Variants in WDR33 observed in about 807,000 individuals in gnomAD.
WDR33 encodes the protein pre-mRNA 3' end processing protein WDR33.
Under a neutral mutation model 164.9 loss-of-function variants are expected in WDR33, and 47 were observed. The ratio of observed to expected loss-of-function variants is 0.29; its 90% CI spans 0.23 to 0.36. WDR33 has a LOEUF of 0.36. Ranked by LOEUF, WDR33 falls within the 10% of genes least tolerant of loss-of-function variation. The pLI is 1.00. For missense variants in WDR33, 1,137 were observed against 1,754.1 expected, an observed-to-expected ratio of 0.65 and a Z score of 6.28; for synonymous variants, 505 against 589.0, an observed-to-expected ratio of 0.86 and a Z score of 2.06.
Position 127,719,567 on chromosome 2 carries a change from G to A in WDR33, c.2458C>T (p.Leu820=). The A allele has an allele frequency of 1.2e-6, 2 of 1,614,008 alleles. No individual in the cohort carries two copies. The highest frequency in any genetic ancestry group is 1.7e-6 in the Non-Finnish European group (2 of 1,179,990). ...MRGPHPPGGL[L]GHGPQEMRGP... ...CTCATTTCCTGAGGGCCGTGTCCCA[G>A]TAGTCCACCTGGAGGGTGAGGTCCT... is the stretch of plus-strand genomic sequence containing the variant. Residue 820 remains leucine (L), a synonymous_variant, in exon 16 of 22, where the codon CTG becomes TTG. Coordinates refer to ENST00000322313, the MANE Select transcript of WDR33 (RefSeq NM_018383.5). This position sits in a 1 kb window ranked among gnomAD's most constrained non-coding sequence, Gnocchi z 6.5.
intron 1 of WDR33, among the ~76,000 whole-genome samples, chr2:127,807,162 G>A (rs977166191): frequency 2.6e-5 from 4 of 152,054 alleles, no homozygotes; most frequent in Admixed American, 1.3e-4. Flanking sequence ...GTGCCACCAC[G>A]CCCAGCTAAT....
intron 7 of WDR33, among the ~76,000 whole-genome samples, chr2:127,756,128 G>A (rs1368517734): frequency 6.6e-6 from 1 of 152,068 alleles, no homozygotes; most frequent in Non-Finnish European, 1.5e-5. Context: ...GAGGTCAGGA[G>A]TTCGAGACCA....
At position 127,711,766 on chromosome 2, in the gene WDR33, A is replaced by T. The variant is rs866227232; in HGVS notation, c.3308+1817T>A. Among the ~76,000 whole-genome samples the T allele has an allele frequency of 6.4e-3, 464 of 72,568 alleles. 18 individuals carry two copies. The highest frequency in any genetic ancestry group is 0.054 in the African/African-American group (423 of 7,834). 47.6% of individuals were successfully genotyped at this position (72,568 alleles called of 152,430 possible). A position where few individuals can be genotyped will look rare whatever the true frequency, so the allele number is the denominator to read the frequency against. ...CACATATACAGATATATATATATATATATATATATATATATTTTTTTTTTG... is the reference window on the plus strand; with the variant it reads ...CACATATACAGATATATATATATATTTATATATATATATATTTTTTTTTTG... On this transcript the variant is annotated intron_variant, in intron 18 of 21. Transcript: ENST00000322313.
chr2:127,764,637 A>G lies in WDR33; in HGVS notation c.626+191T>C. 1 of 1,557,576 alleles carries G rather than the reference A, an allele frequency of 6.4e-7. No individual in the cohort carries two copies. Among genetic ancestry groups the G allele is most frequent in the Non-Finnish European group, 8.7e-7 (1 of 1,149,798 alleles). ...ACATATTGCAAAGGCTGATACCGGG[A>G]CAACACTACTTCAGAAAGGTGCCAG... On this transcript the variant is annotated intron_variant, in intron 6 of 21. Coordinates refer to ENST00000322313, the MANE Select transcript of WDR33 (RefSeq NM_018383.5). The surrounding 1 kb of genome is among the most constrained non-coding windows in gnomAD (Gnocchi z 6.2).
At chr2:127,793,302 G>A (rs1175418825) in intron 1 of WDR33, among the ~76,000 whole-genome samples, 1 of 152,006 alleles carries the variant, frequency 6.6e-6, no homozygotes, top group East Asian at 1.9e-4. Context: ...ATGATGGCGG[G>A]TGCCTGTAAT....
In WDR33 at chr2:127,770,754, C is replaced by G; in HGVS notation, c.204+24G>C. 1.3e-6 allele frequency: 2 copies of G among 1,515,148 alleles called. No individual in the cohort carries two copies. The highest frequency in any genetic ancestry group is 1.8e-6 in the Non-Finnish European group (2 of 1,116,730). 93.9% of individuals were successfully genotyped at this position (1,515,148 alleles called of 1,614,324 possible). On this transcript the variant is annotated intron_variant, in intron 2 of 21. Transcript: ENST00000322313. This position sits in a 1 kb window ranked among gnomAD's most constrained non-coding sequence, Gnocchi z 4.9. ...AAATAAATAACCAAAGTTTGGTCAT[C>G]TGAAGCACATAAATCAGGCTTACCT... is the stretch of plus-strand genomic sequence containing the variant.
chr2:127,784,592 G>A (rs1688496729), intron 1 of WDR33, among the ~76,000 whole-genome samples: 1 of 152,154 alleles, frequency 6.6e-6, no homozygotes, highest in Non-Finnish European at 1.5e-5. Context: ...TGTTGCCCCA[G>A]CTGGTCTTGA....
chr2:127,719,772 C>A lies in WDR33; in HGVS notation c.2253G>T (p.Gly751=). Residue 751 remains glycine (G), a synonymous_variant, in exon 16 of 22, where the codon GGG becomes GGT. Transcript: ENST00000322313. The surrounding 1 kb of genome is among the most constrained non-coding windows in gnomAD (Gnocchi z 6.5). ...QGPPGPRGMQ[G]PPHPHGIQGG... is the part of the protein sequence containing the mutation. ...CTTGGATCCCATGAGGATGAGGAGGCCCTTGCATTCCTCTGGGACCAGGTG... is the reference window on the plus strand; with the variant it reads ...CTTGGATCCCATGAGGATGAGGAGGACCTTGCATTCCTCTGGGACCAGGTG... 6.2e-7 allele frequency: 1 copy of A among 1,613,832 alleles called. No homozygotes were observed. The highest frequency in any genetic ancestry group is 1.7e-5 in the Admixed American group (1 of 60,028).
At position 127,719,361 on chromosome 2, in the gene WDR33, G is replaced by A. The variant is rs1349230078; in HGVS notation, c.2664C>T (p.Asn888=). ...QGPPGPQGQQ[N]PARGPHPSQG... is the part of the protein sequence containing the mutation. ...GAGATGGATGTGGCCCTCTTGCTGG[G>A]TTCTGCTGTCCCTGAGGTCCGGGGG... Residue 888 remains asparagine, a synonymous_variant, in exon 16 of 22, where the codon AAC becomes AAT. Coordinates refer to ENST00000322313, the MANE Select transcript of WDR33 (RefSeq NM_018383.5). This position sits in a 1 kb window ranked among gnomAD's most constrained non-coding sequence, Gnocchi z 6.5. 6.6e-7 allele frequency: 1 copy of A among 1,514,128 alleles called. No homozygotes were observed. Among genetic ancestry groups the A allele is most frequent in the East Asian group, 2.3e-5 (1 of 43,836 alleles). The allele number at this position is 1,514,128 out of a possible 1,614,324, so 93.8% of individuals were successfully genotyped here.
Position 127,746,100 on chromosome 2 carries a change from C to T in WDR33, c.724+16962G>A, listed in dbSNP as rs140503202. On this transcript the variant is annotated intron_variant, in intron 7 of 21. Transcript: ENST00000322313. ...GGCAATGAAGAGAACAACTCTAATGCAGGGTGTGAAGGATTGCCTTCTGGC... is the reference window on the plus strand; with the variant it reads ...GGCAATGAAGAGAACAACTCTAATGTAGGGTGTGAAGGATTGCCTTCTGGC... 2.7e-5 allele frequency among the ~76,000 whole-genome samples: 4 copies of T among 148,318 alleles called. No individual in the cohort carries two copies. In the East Asian group the frequency reaches 8.0e-4, roughly 29 times the overall value.
rs1686309975 is a variant in WDR33, at chr2:127,716,662, T to C, written c.2869+493A>G. ...ATCATTCTCATCTCTTTCCTTTTCA[T>C]ATCAACAACCTGAGGAGCCACATAT... On this transcript the variant is annotated intron_variant, in intron 17 of 21. Transcript: ENST00000322313. This position sits in a 1 kb window ranked among gnomAD's most constrained non-coding sequence, Gnocchi z 4.5. Among the ~76,000 whole-genome samples, 1 of 152,244 alleles carries C rather than the reference T, an allele frequency of 6.6e-6. No individual in the cohort carries two copies. Among genetic ancestry groups the C allele is most frequent in the Non-Finnish European group, 1.5e-5 (1 of 68,048 alleles).
intron 18 of WDR33, among the ~76,000 whole-genome samples, chr2:127,711,781 T>TATATATATATATATATATATATA (rs1491108798): frequency 2.0e-4 from 19 of 93,978 alleles, no homozygotes; most frequent in African/African-American, 6.9e-4. Flanking sequence ...TATATATATA[T>TATATATATATATATATATATATA]TTTTTTTTTG....
At chr2:127,758,188 A>C (rs1376832191) in intron 7 of WDR33, among the ~76,000 whole-genome samples, 1 of 152,176 alleles carries the variant, frequency 6.6e-6, no homozygotes, top group Non-Finnish European at 1.5e-5. Flanking sequence ...AGAATGTTAA[A>C]ATGAACCTGA....
At position 127,735,744 on chromosome 2, in the gene WDR33, T is replaced by TA. The variant is rs1686822179; in HGVS notation, c.725-8968dup. ...CAGTTGGACAGAGGATTTAAGATTTTAAAAAATTAAGAAGCATAAGTAATC... is the reference window on the plus strand; with the variant it reads ...CAGTTGGACAGAGGATTTAAGATTTTAAAAAAATTAAGAAGCATAAGTAATC... On this transcript the variant is annotated intron_variant, in intron 7 of 21. Coordinates refer to ENST00000322313, the MANE Select transcript of WDR33 (RefSeq NM_018383.5). The surrounding 1 kb of genome is among the most constrained non-coding windows in gnomAD (Gnocchi z 4.3). The TA allele has an allele frequency of 2.0e-6, 2 of 985,522 alleles. No homozygotes were observed. The highest frequency in any genetic ancestry group is 9.4e-5 in the South Asian group (2 of 21,292). The allele number at this position is 985,522 out of a possible 1,614,324, so 61.0% of individuals were successfully genotyped here. A position where few individuals can be genotyped will look rare whatever the true frequency, so the allele number is the denominator to read the frequency against.
chr2:127,726,835 A>C lies in WDR33; in HGVS notation c.725-58T>G. 6.3e-7 allele frequency: 1 copy of C among 1,597,234 alleles called. No homozygotes were observed. Among genetic ancestry groups the C allele is most frequent in the South Asian group, 1.1e-5 (1 of 88,792 alleles). ...TAGTTACATGCATTTAAAGCAATTT[A>C]AACCAAAGTAGAGAAACCTAGTAAA... is the stretch of plus-strand genomic sequence containing the variant. On this transcript the variant is annotated intron_variant, in intron 7 of 21. Coordinates refer to ENST00000322313, the MANE Select transcript of WDR33 (RefSeq NM_018383.5). This position sits in a 1 kb window ranked among gnomAD's most constrained non-coding sequence, Gnocchi z 4.8.
At position 127,722,861 on chromosome 2, in the gene WDR33, C is replaced by T; in HGVS notation, c.1378+97G>A. On this transcript the variant is annotated intron_variant, in intron 13 of 21. Transcript: ENST00000322313. This position sits in a 1 kb window ranked among gnomAD's most constrained non-coding sequence, Gnocchi z 5.1. ...TATAATTTTTATCAACATTTCTCAA[C>T]ATAAATCATTTTGGTATTTCAATAT... 1 of 1,410,246 alleles carries T rather than the reference C, an allele frequency of 7.1e-7. No individual in the cohort carries two copies. Among genetic ancestry groups the T allele is most frequent in the South Asian group, 1.4e-5 (1 of 71,656 alleles). The allele number at this position is 1,410,246 out of a possible 1,614,324, so 87.4% of individuals were successfully genotyped here.
Position 127,736,763 on chromosome 2 carries a change from A to T in WDR33, c.725-9986T>A, listed in dbSNP as rs1034602127. The stretch of plus-strand genomic sequence containing the variant: ...CTTATGACTATATGGTAAAATATCT[A>T]ATTTTTGAGTCAAATAAAAACATAT... On this transcript the variant is annotated intron_variant, in intron 7 of 21. Transcript: ENST00000322313. 3 of 985,260 alleles carry T rather than the reference A, an allele frequency of 3.0e-6. No homozygotes were observed. In the African/African-American group the frequency reaches 5.2e-5, roughly 17 times the overall value. 61.0% of individuals were successfully genotyped at this position (985,260 alleles called of 1,614,324 possible).
rs948835484 is a variant in WDR33, at chr2:127,738,143, G to C, written c.725-11366C>G. The C allele has an allele frequency of 3.2e-6, 4 of 1,240,828 alleles. No individual in the cohort carries two copies. Among genetic ancestry groups the C allele is most frequent in the Non-Finnish European group, 4.3e-6 (4 of 924,760 alleles). 76.9% of individuals were successfully genotyped at this position (1,240,828 alleles called of 1,614,324 possible). On this transcript the variant is annotated intron_variant, in intron 7 of 21. Transcript: ENST00000322313. This position sits in a 1 kb window ranked among gnomAD's most constrained non-coding sequence, Gnocchi z 4.4. ...GCCCTGGCAGATTGTGTAATTTCCA[G>C]ATATGACTGAGATTTTTTTCTATTA... is the stretch of plus-strand genomic sequence containing the variant.
In WDR33 at chr2:127,708,450, G is replaced by T. The variant is rs1025914661; in HGVS notation, c.3781+227C>A. Reference sequence around the variant, plus strand: ...GAGAGTGCTGGGGCATCTTGGCAGAGGGCTGAAGTGAAAACCTCAAGTGAA... The same window carrying T: ...GAGAGTGCTGGGGCATCTTGGCAGATGGCTGAAGTGAAAACCTCAAGTGAA... On this transcript the variant is annotated intron_variant, in intron 21 of 21. Transcript: ENST00000322313. The surrounding 1 kb of genome is among the most constrained non-coding windows in gnomAD (Gnocchi z 6.7). Among the ~76,000 whole-genome samples, 1 of 152,370 alleles carries T rather than the reference G, an allele frequency of 6.6e-6. No homozygotes were observed. Among genetic ancestry groups the T allele is most frequent in the East Asian group, 1.9e-4 (1 of 5,192 alleles).
Sources: allele counts gnomAD v4.1 joint callset (sites outside exome capture counted in the v4.1 genomes callset), GRCh38; gene constraint gnomAD v4.1.1; non-coding constraint Gnocchi (gnomAD v3.1); transcripts MANE v1.5; gene names NCBI Gene and HGNC (gene_info 2026-07-23, HGNC 2026-07-21).